The following ELOVL6 variants were observed in gnomAD, a reference collection of about 807,000 sequenced individuals.
ELOVL6 encodes the protein very long chain fatty acid elongase 6.
ELOVL6 carries 8 observed loss-of-function variants against 31.7 expected under a neutral mutation model. That is an observed-to-expected ratio of 0.25 (90% confidence interval 0.15 to 0.45). The LOEUF (loss-of-function observed/expected upper bound fraction) is 0.45, where lower values mean the gene tolerates loss of function less well. Ranked by LOEUF, ELOVL6 falls within the 20% of genes least tolerant of loss-of-function variation. The pLI is 1.00. For missense variants in ELOVL6, 126 were observed against 326.4 expected (o/e 0.39, Z 4.73); for synonymous variants, 101 against 117.7 (o/e 0.86, Z 0.92).
At chr4:110,068,529 T>C (rs1388213148) in intron 2 of ELOVL6, among the ~76,000 whole-genome samples, 2 of 152,218 alleles carry the variant, frequency 1.3e-5, no homozygotes. Flanking sequence ...TCTGATTAAA[T>C]GTTTGATAGG....
rs200640576 is a variant in ELOVL6 at position 110,072,119 on chromosome 4, CT to C, written c.222-12366del. Among the ~76,000 whole-genome samples, 1,177 of 152,300 alleles carry C rather than the reference CT, an allele frequency of 7.7e-3. 14 individuals are homozygous for C. The highest frequency in any genetic ancestry group is 6.7e-3 in the Non-Finnish European group (459 of 68,030). On this transcript the variant is annotated intron_variant, in intron 2 of 3. Coordinates refer to ENST00000302274, the MANE Select transcript of ELOVL6 (RefSeq NM_024090.3). ...TGCTGGAGCACCTAACTCCTAGCAG[CT>C]GACCAGCACACTCTCAGAACATTGA...
chr4:110,143,033 C>T (rs954152580), intron 1 of ELOVL6, among the ~76,000 whole-genome samples: 3 of 152,150 alleles, frequency 2.0e-5, no homozygotes, highest in Admixed American at 2.0e-4. Context: ...AATAGCCTAC[C>T]TCTCTACCAG....
chr4:110,085,472 T>G (rs918802226), intron 2 of ELOVL6, among the ~76,000 whole-genome samples: 1 of 152,194 alleles, frequency 6.6e-6, no homozygotes, highest in Non-Finnish European at 1.5e-5. Flanking sequence ...GTGCCATAGT[T>G]GACCAGAATC....
At chr4:110,132,162 A>G (rs1274087448) in intron 1 of ELOVL6, among the ~76,000 whole-genome samples, 2 of 152,164 alleles carry the variant, frequency 1.3e-5, no homozygotes, top group Non-Finnish European at 2.9e-5. Context: ...AAATACAGGA[A>G]GCCATGAAGG....
intron 1 of ELOVL6, among the ~76,000 whole-genome samples, chr4:110,128,232 C>A (rs1254076847): frequency 6.6e-6 from 1 of 152,104 alleles, no homozygotes; most frequent in Non-Finnish European, 1.5e-5. Flanking sequence ...ATTCAAACAA[C>A]TCTAAGAAAT....
At position 110,131,141 on chromosome 4, in the gene ELOVL6, G is replaced by A. The variant is rs913109980; in HGVS notation, c.90-25513C>T. On this transcript the variant is annotated intron_variant, in intron 1 of 3. Coordinates refer to ENST00000302274, the MANE Select transcript of ELOVL6 (RefSeq NM_024090.3). ...ATGAAGTACCTAGGAAATATCTGTTGCGTTGATGTTCTAATCCCTGTTGCT... is the reference window on the plus strand; with the variant it reads ...ATGAAGTACCTAGGAAATATCTGTTACGTTGATGTTCTAATCCCTGTTGCT... Among the ~76,000 whole-genome samples, 4 of 152,192 alleles carry A rather than the reference G, an allele frequency of 2.6e-5. No individual in the cohort carries two copies. In the East Asian group the frequency reaches 7.7e-4, roughly 29 times the overall value.
chr4:110,140,509 T>C (rs972607997), intron 1 of ELOVL6, among the ~76,000 whole-genome samples: 2 of 152,090 alleles, frequency 1.3e-5, no homozygotes, highest in African/African-American at 4.8e-5. Flanking sequence ...GCTCACTGTT[T>C]TAGCCTCCTG....
At chr4:110,102,791 A>C (rs1469280734) in intron 2 of ELOVL6, among the ~76,000 whole-genome samples, 1 of 152,104 alleles carries the variant, frequency 6.6e-6, no homozygotes, top group African/African-American at 2.4e-5. Context: ...TTTAGTACCC[A>C]GACAGTGGTT....
intron 1 of ELOVL6, among the ~76,000 whole-genome samples, chr4:110,148,100 A>G (rs1324364270): frequency 7.2e-6 from 1 of 138,934 alleles, no homozygotes; most frequent in African/African-American, 2.8e-5. Context: ...CAAGAGCAAA[A>G]CTCGGTCTCA....
intron 1 of ELOVL6, among the ~76,000 whole-genome samples, chr4:110,169,931 A>G (rs1758895161): frequency 6.6e-6 from 1 of 151,382 alleles, no homozygotes; most frequent in South Asian, 2.1e-4. Context: ...CAGCCTCCCA[A>G]GTAGCTGGGA....
At chr4:110,070,511 G>C (rs1213321521) in intron 2 of ELOVL6, among the ~76,000 whole-genome samples, 2 of 152,178 alleles carry the variant, frequency 1.3e-5, no homozygotes, top group African/African-American at 4.8e-5. Flanking sequence ...AACGATAATA[G>C]CAGTGCTCCA....
chr4:110,108,908 C>T (rs1320188248), intron 1 of ELOVL6, among the ~76,000 whole-genome samples: 3 of 152,144 alleles, frequency 2.0e-5, no homozygotes, highest in African/African-American at 7.2e-5. Flanking sequence ...TGGAAGTTGC[C>T]TAAGCATTAA....
chr4:110,070,878 C>CT (rs35205413), intron 2 of ELOVL6, among the ~76,000 whole-genome samples: 2,084 of 151,662 alleles, frequency 0.014, 44 homozygotes, highest in African/African-American at 0.046. Context: ...AATTAAACCT[C>CT]TTTTTTTTTA....
At position 110,105,095 on chromosome 4, in the gene ELOVL6, T is replaced by G. The variant is rs139942779; in HGVS notation, c.221+402A>C. 2.1e-3 allele frequency among the ~76,000 whole-genome samples: 313 copies of G among 152,296 alleles called. 4 individuals are homozygous for G. Among genetic ancestry groups the G allele is most frequent in the Admixed American group, 0.019 (296 of 15,306 alleles). ...TCTATGTCTAAGTGTCATCTTTTGA[T>G]TAAGTGTTAGGAACAGCACACCCAG... On this transcript the variant is annotated intron_variant, in intron 2 of 3. Coordinates refer to ENST00000302274, the MANE Select transcript of ELOVL6 (RefSeq NM_024090.3).
chr4:110,149,989 T>TA (rs1758237245), intron 1 of ELOVL6, among the ~76,000 whole-genome samples: 1 of 152,240 alleles, frequency 6.6e-6, no homozygotes, highest in Non-Finnish European at 1.5e-5. Context: ...AGTGAACAGT[T>TA]ATGTGTTTCA....
chr4:110,114,504 A>G (rs1757122928), intron 1 of ELOVL6, among the ~76,000 whole-genome samples: 1 of 152,130 alleles, frequency 6.6e-6, no homozygotes, highest in Non-Finnish European at 1.5e-5. Flanking sequence ...TTTCTACTAA[A>G]TGTAGAAATA....
intron 2 of ELOVL6, among the ~76,000 whole-genome samples, chr4:110,084,344 G>GATACATGATATATATCGC (rs1756107376): frequency 1.1e-5 from 1 of 88,420 alleles, no homozygotes; most frequent in African/African-American, 4.2e-5. Flanking sequence ...TCACATATAT[G>GATACATGATATATATCGC]ATATATGATA....
intron 1 of ELOVL6, among the ~76,000 whole-genome samples, chr4:110,145,272 T>C (rs2126263104): frequency 6.6e-6 from 1 of 152,238 alleles, no homozygotes. Flanking sequence ...GCCAGCCTTC[T>C]GGAGCCAGGG....
upstream of ELOVL6, chr4:110,199,118 A>G (rs1168440378): frequency 1.5e-5 from 2 of 137,128 alleles, no homozygotes; most frequent in Non-Finnish European, 3.1e-5. Flanking sequence ...TGCGGACGGC[A>G]GAGCTCCTTA....
Sources: allele counts gnomAD v4.1 joint callset (sites outside exome capture counted in the v4.1 genomes callset), GRCh38; gene constraint gnomAD v4.1.1; transcripts MANE v1.5; gene names NCBI Gene and HGNC (gene_info 2026-07-23, HGNC 2026-07-21).